SMG6: variants seen among roughly 807,000 people sequenced by gnomAD.
SMG6 encodes SMG6 nonsense mediated mRNA decay factor, also known as telomerase-binding protein EST1A.
A neutral mutation model predicts 142.2 loss-of-function variants in SMG6; 66 were observed. The ratio of observed to expected loss-of-function variants is 0.46; its 90% CI spans 0.38 to 0.57. The LOEUF is 0.57. Among genes scored for constraint, SMG6 ranks in the 20% least tolerant of loss-of-function variants. The pLI is 0.00. For missense variants in SMG6, 1,793 were observed against 1,832.0 expected (o/e 0.98, Z 0.39); for synonymous variants, 779 against 702.4 (o/e 1.11, Z -1.72).
At chr17:2,191,133 G>T (rs2072149257) in intron 10 of SMG6, among the ~76,000 whole-genome samples, 1 of 152,150 alleles carries the variant, frequency 6.6e-6, no homozygotes, top group Non-Finnish European at 1.5e-5. Flanking sequence ...CTTTCAATAG[G>T]GTAAAGAAAA....
intron 12 of SMG6, among the ~76,000 whole-genome samples, chr17:2,186,444 G>T (rs1345708754): frequency 6.6e-6 from 1 of 152,094 alleles, no homozygotes. Context: ...AGAGGAAAAA[G>T]AGAGTGTGAG....
At chr17:2,169,611 C>G (rs1022997386) in intron 13 of SMG6, among the ~76,000 whole-genome samples, 2 of 152,132 alleles carry the variant, frequency 1.3e-5, no homozygotes, top group Non-Finnish European at 2.9e-5. Context: ...GAGGCATGAG[C>G]GCTTGGTTTG....
chr17:2,279,348 T>C (rs1015967893), intron 8 of SMG6, among the ~76,000 whole-genome samples: 1 of 152,120 alleles, frequency 6.6e-6, no homozygotes, highest in Non-Finnish European at 1.5e-5. Flanking sequence ...AGTGTAAGAT[T>C]TGAAGTAGCA....
chr17:2,113,686 CTTA>C (rs1358234135), intron 13 of SMG6, among the ~76,000 whole-genome samples: 1 of 152,224 alleles, frequency 6.6e-6, no homozygotes, highest in East Asian at 1.9e-4. Flanking sequence ...TTCTGGAGAT[CTTA>C]TTATTTTCAC....
At chr17:2,172,303 C>T (rs1399487186) in intron 13 of SMG6, among the ~76,000 whole-genome samples, 2 of 141,882 alleles carry the variant, frequency 1.4e-5, no homozygotes, top group African/African-American at 5.2e-5. Context: ...AGCTTTGTGG[C>T]GGAGGGGGGC....
intron 10 of SMG6, among the ~76,000 whole-genome samples, chr17:2,201,947 C>A (rs1018309939): frequency 2.6e-5 from 4 of 151,962 alleles, no homozygotes; most frequent in African/African-American, 7.3e-5. Flanking sequence ...TCGCTTGAAC[C>A]CAGAAGGTGG....
intron 10 of SMG6, among the ~76,000 whole-genome samples, chr17:2,194,887 G>A (rs535723530): frequency 6.6e-6 from 1 of 152,194 alleles, no homozygotes; most frequent in Admixed American, 6.6e-5. Flanking sequence ...TCCAAGTAAG[G>A]GGGAAGAAAC....
In SMG6 at chr17:2,071,156, CGCCTCT is replaced by C. The variant is rs764740839; in HGVS notation, c.3682-2231_3682-2226del. On this transcript the variant is annotated intron_variant, in intron 15 of 18. Coordinates refer to ENST00000263073, the MANE Select transcript of SMG6 (RefSeq NM_017575.5). The surrounding 1 kb of genome is among the most constrained non-coding windows in gnomAD (Gnocchi z 5.6). ...GGGCTGGGGGTCCGGCTCTGCACTG[CGCCTCT>C]GCCTCTGCCTCTGCCCCGCAAGTCC... is the stretch of plus-strand genomic sequence containing the variant. Among the ~76,000 whole-genome samples, 45 of 152,272 alleles carry C rather than the reference CGCCTCT, an allele frequency of 3.0e-4. No homozygotes were observed. The highest frequency in any genetic ancestry group is 9.6e-4 in the East Asian group (5 of 5,184).
intron 6 of SMG6, among the ~76,000 whole-genome samples, chr17:2,285,090 T>C (rs911917868): frequency 1.3e-5 from 2 of 152,222 alleles, no homozygotes; most frequent in African/African-American, 4.8e-5. Context: ...TAACAATCAA[T>C]TACATATTTA....
chr17:2,184,365 A>G (rs943335779), intron 12 of SMG6, among the ~76,000 whole-genome samples: 38 of 140,510 alleles, frequency 2.7e-4, no homozygotes, highest in East Asian at 6.1e-4. Flanking sequence ...TCTGGGGGGA[A>G]AAAAAAAAAG....
At chr17:2,141,856 T>C (rs1209558097) in intron 13 of SMG6, among the ~76,000 whole-genome samples, 2 of 152,218 alleles carry the variant, frequency 1.3e-5, no homozygotes, top group Non-Finnish European at 2.9e-5. Context: ...GATAAGAGAC[T>C]GGCCCTGATG....
chr17:2,105,885 G>T (rs1277323465), intron 13 of SMG6, among the ~76,000 whole-genome samples: 7 of 152,204 alleles, frequency 4.6e-5, no homozygotes, highest in Non-Finnish European at 8.8e-5. Flanking sequence ...TCTGAAAGTT[G>T]TCTGCACCAC....
chr17:2,209,374 T>G (rs2072781196), intron 10 of SMG6, among the ~76,000 whole-genome samples: 1 of 151,522 alleles, frequency 6.6e-6, no homozygotes, highest in Admixed American at 6.6e-5. Context: ...AGCTAAAAAT[T>G]TTTTTTTTGA....
chr17:2,129,424 T>TTAA (rs2070025524), intron 13 of SMG6, among the ~76,000 whole-genome samples: 2 of 152,176 alleles, frequency 1.3e-5, no homozygotes, highest in Non-Finnish European at 2.9e-5. Flanking sequence ...ATTCAGCCCT[T>TTAA]ATTTGTGATT....
At chr17:2,106,940 C>T (rs978761861) in intron 13 of SMG6, among the ~76,000 whole-genome samples, 2 of 152,006 alleles carry the variant, frequency 1.3e-5, no homozygotes, top group African/African-American at 4.8e-5. Flanking sequence ...TCTCCTGCCT[C>T]AGTCTCCCAA....
chr17:2,290,476 C>G (rs924552540), intron 6 of SMG6, among the ~76,000 whole-genome samples: 25 of 152,342 alleles, frequency 1.6e-4, no homozygotes, highest in Admixed American at 1.2e-3. Context: ...GTATTACAGA[C>G]TTAAATGTAA....
intron 13 of SMG6, among the ~76,000 whole-genome samples, chr17:2,140,032 C>T (rs562776128): frequency 1.3e-5 from 2 of 149,062 alleles, no homozygotes; most frequent in South Asian, 4.3e-4. Context: ...AGCTGGGAAA[C>T]TGCCTGTTAA....
intron 6 of SMG6, among the ~76,000 whole-genome samples, chr17:2,287,133 G>A (rs895515031): frequency 2.0e-5 from 3 of 151,756 alleles, no homozygotes; most frequent in South Asian, 4.2e-4. Context: ...GGGTTTCATC[G>A]TGGTCTCAAT....
chr17:2,154,681 G>A (rs955307429), intron 13 of SMG6, among the ~76,000 whole-genome samples: 5 of 152,144 alleles, frequency 3.3e-5, no homozygotes, highest in African/African-American at 9.7e-5. Context: ...AGGGATTAAT[G>A]TGCACAGAAC....
Sources: allele counts gnomAD v4.1 joint callset (sites outside exome capture counted in the v4.1 genomes callset), GRCh38; gene constraint gnomAD v4.1.1; non-coding constraint Gnocchi (gnomAD v3.1); transcripts MANE v1.5; gene names NCBI Gene and HGNC (gene_info 2026-07-23, HGNC 2026-07-21).